NOPCHAP1: variants seen among roughly 807,000 people sequenced by gnomAD.
The protein encoded by NOPCHAP1 is DNA damage-sensitive RNA 1.
Under a neutral mutation model 14.0 loss-of-function variants are expected in NOPCHAP1, and 13 were observed. The ratio of observed to expected loss-of-function variants is 0.93; its 90% CI spans 0.60 to 1.47. The LOEUF is 1.47. Ranked by LOEUF, NOPCHAP1 falls within the 40% of genes most tolerant of loss-of-function variation. NOPCHAP1 has a pLI of 0.00. For missense variants in NOPCHAP1, 230 were observed against 226.9 expected (o/e 1.01, Z -0.09); for synonymous variants, 78 against 78.4 (o/e 1.00, Z 0.03).
In NOPCHAP1 at chr12:105,002,644, G is replaced by C. The variant is rs1244819404; in HGVS notation, c.*7948G>C. 6.6e-6 allele frequency: 1 copy of C among 152,192 alleles called. No homozygotes were observed. The highest frequency in any genetic ancestry group is 2.4e-5 in the African/African-American group (1 of 41,444). The allele number at this position is 152,192 out of a possible 1,614,324, so 9.4% of individuals were successfully genotyped here. On this transcript the variant is annotated 3_prime_UTR_variant, in exon 4 of 4. Transcript: ENST00000552951. ...CTACTCTTGATGAGGTTTTGGGGGA[G>C]TCTTTAATATCCTGATTAAGTTTTT... is the stretch of plus-strand genomic sequence containing the variant.
rs1181073464 is a variant in NOPCHAP1 at position 105,015,288 on chromosome 12, G to A, written c.*20592G>A. ...CACTGGATGCTATGCTACCTTGTGT[G>A]AACAGTTGCATTTGTCTGTTTCACT... On this transcript the variant is annotated 3_prime_UTR_variant, in exon 4 of 4. Transcript: ENST00000552951. 3 of 152,210 alleles carry A rather than the reference G, an allele frequency of 2.0e-5. No individual in the cohort carries two copies. Among genetic ancestry groups the A allele is most frequent in the Non-Finnish European group, 4.4e-5 (3 of 68,046 alleles). The allele number at this position is 152,210 out of a possible 1,614,324, so 9.4% of individuals were successfully genotyped here. A position where few individuals can be genotyped will look rare whatever the true frequency, so the allele number is the denominator to read the frequency against.
chr12:104,991,967 A>G (rs1236119691), intron 3 of NOPCHAP1, 119 bp downstream of exon 3: 10 of 1,212,670 alleles, frequency 8.2e-6, no homozygotes, highest in East Asian at 2.5e-5. Context: ...CATGTTTCCA[A>G]TGTTGTATAG....
chr12:104,996,996 T>C lies in NOPCHAP1; in HGVS notation c.*2300T>C, dbSNP rs1873513211. On this transcript the variant is annotated 3_prime_UTR_variant, in exon 4 of 4. Coordinates refer to ENST00000552951, the MANE Select transcript of NOPCHAP1 (RefSeq NM_152318.3). ...TGAGTGTCACTGCATGTGAGGTGGG[T>C]CTCTTGAAGATAGCATACCATTGGA... 2.0e-5 allele frequency: 3 copies of C among 152,176 alleles called. No individual in the cohort carries two copies. The allele number at this position is 152,176 out of a possible 1,614,324, so 9.4% of individuals were successfully genotyped here. A position where few individuals can be genotyped will look rare whatever the true frequency, so the allele number is the denominator to read the frequency against.
chr12:104,994,547 G>A lies in NOPCHAP1; in HGVS notation c.409G>A (p.Asp137Asn). The A allele has an allele frequency of 6.2e-7, 1 of 1,613,062 alleles. No individual in the cohort carries two copies. Among genetic ancestry groups the A allele is most frequent in the Non-Finnish European group, 8.5e-7 (1 of 1,179,418 alleles). Residue 137 changes from aspartate (D) to asparagine (N), a missense_variant, in exon 4 of 4, where the codon GAC becomes AAC. Coordinates refer to ENST00000552951, the MANE Select transcript of NOPCHAP1 (RefSeq NM_152318.3). ...GGACAGTTCAGAAGAGAGTTCACAA[G>A]ACAGTTCAGAGAACAGTTCAGAATC... ...EVDSSEESSQ[D>N]SSENSSESED...
rs1191339564 is a variant in NOPCHAP1 at position 105,010,010 on chromosome 12, T to C, written c.*15314T>C. ...AATTAGGGAGGAGTCCCTCTTTTTC[T>C]ATTGTTGGGAATAGTTTCAGAAGGA... On this transcript the variant is annotated 3_prime_UTR_variant, in exon 4 of 4. Transcript: ENST00000552951. The C allele has an allele frequency of 1.3e-5, 2 of 150,894 alleles. No individual in the cohort carries two copies. Among genetic ancestry groups the C allele is most frequent in the African/African-American group, 4.9e-5 (2 of 40,778 alleles). 9.3% of individuals were successfully genotyped at this position (150,894 alleles called of 1,614,324 possible).
intron 3 of NOPCHAP1, among the ~76,000 whole-genome samples, chr12:104,993,525 G>A (rs1873427744): frequency 6.6e-6 from 1 of 152,156 alleles, no homozygotes; most frequent in African/African-American, 2.4e-5. Flanking sequence ...TGGTTTATCA[G>A]CAGCTTCAGC....
At position 105,016,301 on chromosome 12, in the gene NOPCHAP1, G is replaced by A. The variant is rs1429188520; in HGVS notation, c.*21605G>A. 6.6e-6 allele frequency: 1 copy of A among 152,200 alleles called. No homozygotes were observed. The highest frequency in any genetic ancestry group is 1.5e-5 in the Non-Finnish European group (1 of 68,016). 9.4% of individuals were successfully genotyped at this position (152,200 alleles called of 1,614,324 possible). A position where few individuals can be genotyped will look rare whatever the true frequency, so the allele number is the denominator to read the frequency against. On this transcript the variant is annotated 3_prime_UTR_variant, in exon 4 of 4. Coordinates refer to ENST00000552951, the MANE Select transcript of NOPCHAP1 (RefSeq NM_152318.3). ...GAAATCAGGATTGCATTCTTCACCT[G>A]TCAAATTGGCAGATGCAACAGTAGC...
At position 104,986,405 on chromosome 12, in the gene NOPCHAP1, G is replaced by GTC. The variant is rs770475952; in HGVS notation, c.53_54insTC (p.Asp19ArgfsTer13). The stretch of plus-strand genomic sequence containing the variant: ...AGCCCGAGTTGTTCGTCGCCCACCC[G>GTC]GGATTCCTCAGGAGTCCCAGTGTCC... On this transcript the variant is annotated frameshift_variant, in exon 1 of 4. Transcript: ENST00000552951. LOFTEE classifies it high-confidence loss of function. 2.2e-5 allele frequency: 36 copies of GTC among 1,611,730 alleles called. No homozygotes were observed. The highest frequency in any genetic ancestry group is 3.0e-5 in the Non-Finnish European group (35 of 1,179,186).
intron 2 of NOPCHAP1, among the ~76,000 whole-genome samples, chr12:104,991,070 C>T (rs879520008): frequency 6.6e-6 from 1 of 152,318 alleles, no homozygotes; most frequent in East Asian, 1.9e-4. Flanking sequence ...CAGTCATTCA[C>T]TCAGAAAGAT....
rs1042295255 is a variant in NOPCHAP1, at chr12:105,009,320, A to C, written c.*14624A>C. The C allele has an allele frequency of 6.6e-6, 1 of 152,184 alleles. No individual in the cohort carries two copies. The highest frequency in any genetic ancestry group is 1.5e-5 in the Non-Finnish European group (1 of 68,034). The allele number at this position is 152,184 out of a possible 1,614,324, so 9.4% of individuals were successfully genotyped here. A position where few individuals can be genotyped will look rare whatever the true frequency, so the allele number is the denominator to read the frequency against. ...GTGATTTTTTGCACATTGATTTTGT[A>C]TCCTGAGACTTTTGCTGAAATTGCT... On this transcript the variant is annotated 3_prime_UTR_variant, in exon 4 of 4. Coordinates refer to ENST00000552951, the MANE Select transcript of NOPCHAP1 (RefSeq NM_152318.3).
At position 104,986,357 on chromosome 12, in the gene NOPCHAP1, A is replaced by C; in HGVS notation, c.5A>C (p.Glu2Ala). The change falls in exon 1 of 4, where the codon GAG (glutamate) becomes GCG (alanine). Residue 2 changes from glutamate to alanine, a missense_variant. Transcript: ENST00000552951. ...GAGTGCAGGCTTGAGGGAAGCATGG[A>C]GGTCCATGGCAAGCCCAAGGCTAGC... M[E>A]VHGKPKASPS... 6.2e-7 allele frequency: 1 copy of C among 1,607,958 alleles called. No homozygotes were observed. Among genetic ancestry groups the C allele is most frequent in the South Asian group, 1.1e-5 (1 of 89,758 alleles).
chr12:105,001,893 CTTTTT>C lies in NOPCHAP1; in HGVS notation c.*7200_*7204del, dbSNP rs112546130. 6.6e-6 allele frequency: 1 copy of C among 151,874 alleles called. No homozygotes were observed. Among genetic ancestry groups the C allele is most frequent in the Admixed American group, 6.6e-5 (1 of 15,244 alleles). The allele number at this position is 151,874 out of a possible 1,614,324, so 9.4% of individuals were successfully genotyped here. A position where few individuals can be genotyped will look rare whatever the true frequency, so the allele number is the denominator to read the frequency against. Reference sequence around the variant, plus strand: ...TTGTTTTTCCATGTTTATTTCTTTTCTTTTTTTAATAGTACTTTGAGTTGCTGTTT... The same window carrying C: ...TTGTTTTTCCATGTTTATTTCTTTTCTTAATAGTACTTTGAGTTGCTGTTT... On this transcript the variant is annotated 3_prime_UTR_variant, in exon 4 of 4. Transcript: ENST00000552951.
chr12:104,986,473 G>T lies in NOPCHAP1; in HGVS notation c.115+6G>T. ...GGGAAGCGACGGCCGCGGAGGTGAC[G>T]GACGGGTGACGGCGGCATGGGCCGC... On this transcript the variant is annotated splice_donor_region_variant and intron_variant, in intron 1 of 3. Transcript: ENST00000552951. 1.3e-6 allele frequency: 2 copies of T among 1,594,594 alleles called. No homozygotes were observed. The highest frequency in any genetic ancestry group is 1.7e-6 in the Non-Finnish European group (2 of 1,169,292).
rs774214841 is a variant in NOPCHAP1 at position 105,002,956 on chromosome 12, A to C, written c.*8260A>C. ...CTCATTATCTTTAGAATGAAAGAGT[A>C]GTTGAGCAAAAAGGTTATTAGACTC... On this transcript the variant is annotated 3_prime_UTR_variant, in exon 4 of 4. Coordinates refer to ENST00000552951, the MANE Select transcript of NOPCHAP1 (RefSeq NM_152318.3). 1 of 152,242 alleles carries C rather than the reference A, an allele frequency of 6.6e-6. No individual in the cohort carries two copies. Among genetic ancestry groups the C allele is most frequent in the Non-Finnish European group, 1.5e-5 (1 of 68,044 alleles). 9.4% of individuals were successfully genotyped at this position (152,242 alleles called of 1,614,324 possible).
chr12:104,986,382 C>T lies in NOPCHAP1; in HGVS notation c.30C>T (p.Ser10=). MEVHGKPKA[S]PSCSSPTRDS... ...AGGTCCATGGCAAGCCCAAGGCTAG[C>T]CCGAGTTGTTCGTCGCCCACCCGGG... The change falls in exon 1 of 4, where the codon AGC becomes AGT. Residue 10 remains serine (S), a synonymous_variant. Transcript: ENST00000552951. The T allele has an allele frequency of 6.2e-7, 1 of 1,611,322 alleles. No homozygotes were observed. Among genetic ancestry groups the T allele is most frequent in the Non-Finnish European group, 8.5e-7 (1 of 1,178,930 alleles).
In NOPCHAP1 at chr12:104,997,141, T is replaced by G. The variant is rs1241919825; in HGVS notation, c.*2445T>G. ...ATCCTGTCATCATATTGTTAGCTGG[T>G]TACCATGCAGACTTGTCTGTGTGGT... On this transcript the variant is annotated 3_prime_UTR_variant, in exon 4 of 4. Coordinates refer to ENST00000552951, the MANE Select transcript of NOPCHAP1 (RefSeq NM_152318.3). 1 of 152,260 alleles carries G rather than the reference T, an allele frequency of 6.6e-6. No individual in the cohort carries two copies. The highest frequency in any genetic ancestry group is 1.5e-5 in the Non-Finnish European group (1 of 68,042). The allele number at this position is 152,260 out of a possible 1,614,324, so 9.4% of individuals were successfully genotyped here. A position where few individuals can be genotyped will look rare whatever the true frequency, so the allele number is the denominator to read the frequency against.
chr12:104,990,933 C>T (rs1474914467), intron 2 of NOPCHAP1, among the ~76,000 whole-genome samples: 1 of 152,182 alleles, frequency 6.6e-6, no homozygotes, highest in Non-Finnish European at 1.5e-5. Context: ...TCAGTGTCCT[C>T]AGAGGTCAGC....
At chr12:104,994,354 A>T (rs1028770010) in intron 3 of NOPCHAP1, 124 bp from the exon 4 acceptor site, 1 of 981,596 alleles carries the variant, frequency 1.0e-6, no homozygotes, top group Non-Finnish European at 1.6e-6. Flanking sequence ...CTCCAAAAAA[A>T]ACCAAATTCT....
At position 105,007,731 on chromosome 12, in the gene NOPCHAP1, C is replaced by T. The variant is rs1259656101; in HGVS notation, c.*13035C>T. 1 of 152,060 alleles carries T rather than the reference C, an allele frequency of 6.6e-6. No individual in the cohort carries two copies. Among genetic ancestry groups the T allele is most frequent in the African/African-American group, 2.4e-5 (1 of 41,386 alleles). 9.4% of individuals were successfully genotyped at this position (152,060 alleles called of 1,614,324 possible). The stretch of plus-strand genomic sequence containing the variant: ...TCCATGTGTTCTCATTGTTCAACTC[C>T]CACTTAGGAGTGAGAACATGTGATG... On this transcript the variant is annotated 3_prime_UTR_variant, in exon 4 of 4. Coordinates refer to ENST00000552951, the MANE Select transcript of NOPCHAP1 (RefSeq NM_152318.3).
Sources: gnomAD v4.1 joint callset for allele counts (sites outside exome capture counted in the v4.1 genomes callset) on GRCh38, gnomAD v4.1.1 for gene constraint, MANE v1.5 for transcripts, NCBI Gene and HGNC (gene_info 2026-07-23, HGNC 2026-07-21) for gene names.